LSM8: variants seen among roughly 807,000 people sequenced by gnomAD.
LSM8 encodes LSM8 U6 small nuclear RNA associated.
In LSM8, 14 loss-of-function variants were observed where a neutral mutation model predicts 15.0. That is an observed-to-expected ratio of 0.93 (90% CI 0.62 to 1.46). The LOEUF is 1.46. Among genes scored for constraint, LSM8 ranks in the 40% most tolerant of loss-of-function variants. The pLI is 0.00. For missense variants in LSM8, 90 were observed against 115.4 expected, an observed-to-expected ratio of 0.78 and a Z score of 1.01; for synonymous variants, 50 against 42.1, an observed-to-expected ratio of 1.19 and a Z score of -0.73.
chr7:118,185,801 G>A, intron 2 of LSM8, 107 bp downstream of exon 2: 3 of 949,666 alleles, frequency 3.2e-6, no homozygotes, highest in Non-Finnish European at 4.9e-6. Flanking sequence ...TACACCCGTA[G>A]TGCAATTTTA....
At position 118,195,413 on chromosome 7, in the gene LSM8, A is replaced by C. The variant is rs1300063158; in HGVS notation, c.*3411A>C. Among the ~76,000 whole-genome samples the C allele has an allele frequency of 6.6e-6, 1 of 152,206 alleles. No homozygotes were observed. Among genetic ancestry groups the C allele is most frequent in the Non-Finnish European group, 1.5e-5 (1 of 68,026 alleles). ...ACATAACCGTAAACAGCTATTTAAT[A>C]CTATTCCAGGTAGTCAAAGGCCAAT... On this transcript the variant is annotated 3_prime_UTR_variant, in exon 4 of 4. Coordinates refer to ENST00000249299, the MANE Select transcript of LSM8 (RefSeq NM_016200.5).
intron 2 of LSM8, among the ~76,000 whole-genome samples, chr7:118,186,655 G>C (rs1808894496): frequency 6.6e-6 from 1 of 152,224 alleles, no homozygotes; most frequent in South Asian, 2.1e-4. Flanking sequence ...AACAAGTTCA[G>C]AGAAGGTGAC....
At chr7:118,191,738 G>A (rs1808985254) in intron 3 of LSM8, 174 bp from the exon 4 acceptor site, 1 of 552,328 alleles carries the variant, frequency 1.8e-6, no homozygotes, top group African/African-American at 1.9e-5. Flanking sequence ...TAAATATGCA[G>A]TTCACTGACT....
rs1809011761 is a variant in LSM8 at position 118,193,055 on chromosome 7, A to T, written c.*1053A>T. ...TATTTACATCCTTGTAATTGAAACAAATTTAAATAGTTTATTTGTTTTGTT... is the reference window on the plus strand; with the variant it reads ...TATTTACATCCTTGTAATTGAAACATATTTAAATAGTTTATTTGTTTTGTT... On this transcript the variant is annotated 3_prime_UTR_variant, in exon 4 of 4. Coordinates refer to ENST00000249299, the MANE Select transcript of LSM8 (RefSeq NM_016200.5). Among the ~76,000 whole-genome samples, 1 of 152,128 alleles carries T rather than the reference A, an allele frequency of 6.6e-6. No individual in the cohort carries two copies. The highest frequency in any genetic ancestry group is 1.5e-5 in the Non-Finnish European group (1 of 67,994).
rs1214449413 is a variant in LSM8 at position 118,192,042 on chromosome 7, A to G, written c.*40A>G. ...CTTGGACATCTGTAAATCTTTGTACAGAAACTGATTATTCTGAGGATGATA... is the reference window on the plus strand; with the variant it reads ...CTTGGACATCTGTAAATCTTTGTACGGAAACTGATTATTCTGAGGATGATA... On this transcript the variant is annotated 3_prime_UTR_variant, in exon 4 of 4. Coordinates refer to ENST00000249299, the MANE Select transcript of LSM8 (RefSeq NM_016200.5). 7 of 1,474,720 alleles carry G rather than the reference A, an allele frequency of 4.7e-6. No individual in the cohort carries two copies. The highest frequency in any genetic ancestry group is 6.6e-6 in the Non-Finnish European group (7 of 1,063,670). The allele number at this position is 1,474,720 out of a possible 1,614,324, so 91.4% of individuals were successfully genotyped here.
Position 118,197,049 on chromosome 7 carries a change from T to C in LSM8, c.*5047T>C, listed in dbSNP as rs1809092293. Among the ~76,000 whole-genome samples, 1 of 151,984 alleles carries C rather than the reference T, an allele frequency of 6.6e-6. No individual in the cohort carries two copies. The highest frequency in any genetic ancestry group is 6.6e-5 in the Admixed American group (1 of 15,242). ...GCCTAAGTCCTTTTATTTTACAGAG[T>C]ATTACTTGTTAGAAATGGCACAGAT... is the stretch of plus-strand genomic sequence containing the variant. On this transcript the variant is annotated 3_prime_UTR_variant, in exon 4 of 4. Transcript: ENST00000249299.
At chr7:118,190,562 C>G (rs1033004912) in intron 3 of LSM8, 4 of 152,150 alleles carry the variant, frequency 2.6e-5, no homozygotes, top group African/African-American at 9.7e-5. Context: ...GCAAATCAGT[C>G]TCCCGCTTTT....
In LSM8 at chr7:118,192,155, G is replaced by GA. The variant is rs201483221; in HGVS notation, c.*162dup. 2,467 of 452,722 alleles carry GA rather than the reference G, an allele frequency of 5.4e-3. 18 individuals carry two copies. Among genetic ancestry groups the GA allele is most frequent in the African/African-American group, 0.025 (1,218 of 48,028 alleles). 28.0% of individuals were successfully genotyped at this position (452,722 alleles called of 1,614,324 possible). On this transcript the variant is annotated 3_prime_UTR_variant, in exon 4 of 4. Coordinates refer to ENST00000249299, the MANE Select transcript of LSM8 (RefSeq NM_016200.5). ...AATTAAAATATTTCTACATTTTATT[G>GA]AAAAAAAAACCTTTTTTTTTGCCTA...
chr7:118,194,789 T>C lies in LSM8; in HGVS notation c.*2787T>C, dbSNP rs1809049855. ...CTCTTAACTGACAATATAGTTAGTA[T>C]ATTCTGGGCCTTCATCTTCAAAATT... On this transcript the variant is annotated 3_prime_UTR_variant, in exon 4 of 4. Coordinates refer to ENST00000249299, the MANE Select transcript of LSM8 (RefSeq NM_016200.5). Among the ~76,000 whole-genome samples, 1 of 152,116 alleles carries C rather than the reference T, an allele frequency of 6.6e-6. No homozygotes were observed. The highest frequency in any genetic ancestry group is 2.1e-4 in the South Asian group (1 of 4,834).
In LSM8 at chr7:118,202,828, CAG is replaced by C. The variant is rs926468196; in HGVS notation, c.*10828_*10829del. The stretch of plus-strand genomic sequence containing the variant: ...GGTGAAAACAACTTCTATGCCCAAA[CAG>C]AATTCTTTTTTATCTCTGATATAAA... On this transcript the variant is annotated 3_prime_UTR_variant, in exon 4 of 4. Transcript: ENST00000249299. Among the ~76,000 whole-genome samples, 4 of 152,056 alleles carry C rather than the reference CAG, an allele frequency of 2.6e-5. No individual in the cohort carries two copies. The highest frequency in any genetic ancestry group is 5.9e-5 in the Non-Finnish European group (4 of 67,904).
Position 118,197,521 on chromosome 7 carries a change from A to ATTTT in LSM8, c.*5519_*5520insTTTT. Among the ~76,000 whole-genome samples, 1 of 152,334 alleles carries ATTTT rather than the reference A, an allele frequency of 6.6e-6. No individual in the cohort carries two copies. The highest frequency in any genetic ancestry group is 2.1e-4 in the South Asian group (1 of 4,832). ...GATACAAGTTGCCAGAAAATGCTGC[A>ATTTT]CTATGGCTTATTTCACATTTTAAAA... On this transcript the variant is annotated 3_prime_UTR_variant, in exon 4 of 4. Coordinates refer to ENST00000249299, the MANE Select transcript of LSM8 (RefSeq NM_016200.5).
chr7:118,191,552 A>G (rs1264845599), intron 3 of LSM8: 2 of 158,592 alleles, frequency 1.3e-5, no homozygotes, highest in Non-Finnish European at 2.8e-5. Flanking sequence ...TATTTTTAAT[A>G]CAGTCCTAGA....
Position 118,192,068 on chromosome 7 carries a change from T to C in LSM8, c.*66T>C. 4 of 1,277,998 alleles carry C rather than the reference T, an allele frequency of 3.1e-6. No homozygotes were observed. The highest frequency in any genetic ancestry group is 1.4e-5 in the South Asian group (1 of 70,258). 79.2% of individuals were successfully genotyped at this position (1,277,998 alleles called of 1,614,324 possible). ...GAAACTGATTATTCTGAGGATGATATATGGAGTTTTTATGAGTGTGTCACT... is the reference window on the plus strand; with the variant it reads ...GAAACTGATTATTCTGAGGATGATACATGGAGTTTTTATGAGTGTGTCACT... On this transcript the variant is annotated 3_prime_UTR_variant, in exon 4 of 4. Coordinates refer to ENST00000249299, the MANE Select transcript of LSM8 (RefSeq NM_016200.5).
chr7:118,186,466 C>A (rs952534081), intron 2 of LSM8, among the ~76,000 whole-genome samples: 3 of 151,992 alleles, frequency 2.0e-5, no homozygotes, highest in Non-Finnish European at 4.4e-5. Flanking sequence ...TGCTTTTGTT[C>A]ATTTTCTTTT....
At position 118,196,205 on chromosome 7, in the gene LSM8, T is replaced by G. The variant is rs1176236053; in HGVS notation, c.*4203T>G. On this transcript the variant is annotated 3_prime_UTR_variant, in exon 4 of 4. Transcript: ENST00000249299. ...GCTGTGGATAGGCCAGGGAACAGTA[T>G]TCTTGTGCTTGTGAAGCTTCTATCT... Among the ~76,000 whole-genome samples the G allele has an allele frequency of 1.3e-5, 2 of 152,198 alleles. No homozygotes were observed. The highest frequency in any genetic ancestry group is 1.3e-4 in the Admixed American group (2 of 15,272).
chr7:118,193,708 T>C lies in LSM8; in HGVS notation c.*1706T>C, dbSNP rs1036858942. On this transcript the variant is annotated 3_prime_UTR_variant, in exon 4 of 4. Coordinates refer to ENST00000249299, the MANE Select transcript of LSM8 (RefSeq NM_016200.5). ...TATTGTAGTATATGGCATTTTGAAT[T>C]GGTAAAGTAATTCCAAAAATTAAAT... 3.3e-5 allele frequency among the ~76,000 whole-genome samples: 5 copies of C among 152,104 alleles called. No homozygotes were observed. The highest frequency in any genetic ancestry group is 1.2e-4 in the African/African-American group (5 of 41,418).
In LSM8 at chr7:118,196,013, G is replaced by C. The variant is rs1402747584; in HGVS notation, c.*4011G>C. Among the ~76,000 whole-genome samples the C allele has an allele frequency of 7.2e-4, 110 of 152,152 alleles. No individual in the cohort carries two copies. Among genetic ancestry groups the C allele is most frequent in the Non-Finnish European group, 4.4e-5 (3 of 68,032 alleles). On this transcript the variant is annotated 3_prime_UTR_variant, in exon 4 of 4. Coordinates refer to ENST00000249299, the MANE Select transcript of LSM8 (RefSeq NM_016200.5). ...GCTTTGATGTGATCTTCATTCCTCT[G>C]TATAGTGGGAAACCATGAGACGTGC... is the stretch of plus-strand genomic sequence containing the variant.
chr7:118,185,620 C>T (rs1448804935), intron 1 of LSM8, 34 bp from the exon 2 acceptor site: 2 of 1,568,094 alleles, frequency 1.3e-6, no homozygotes, highest in Admixed American at 3.4e-5. Context: ...AATTTGCATT[C>T]CCTAAGAAAC....
intron 3 of LSM8, chr7:118,189,967 A>G (rs1808951326): frequency 6.6e-6 from 1 of 152,338 alleles, no homozygotes; most frequent in Non-Finnish European, 1.5e-5. Flanking sequence ...TAGTATAGTT[A>G]TAGAGGCTAG....
Sources: allele counts gnomAD v4.1 joint callset (sites outside exome capture counted in the v4.1 genomes callset), GRCh38; gene constraint gnomAD v4.1.1; transcripts MANE v1.5; gene names NCBI Gene and HGNC (gene_info 2026-07-23, HGNC 2026-07-21).